RTN4RL1: variants seen among roughly 807,000 people sequenced by gnomAD.
RTN4RL1 encodes the protein reticulon 4 receptor like 1.
In RTN4RL1, 7 loss-of-function variants were observed where a neutral mutation model predicts 25.6. That is an observed-to-expected ratio of 0.27 (90% CI 0.16 to 0.51). The LOEUF (loss-of-function observed/expected upper bound fraction) is 0.51, where lower values mean the gene tolerates loss of function less well. RTN4RL1 is among the 20% of genes least tolerant of loss of function. The pLI, the probability that RTN4RL1 is intolerant of heterozygous loss-of-function variation, is 0.97. For synonymous variants in RTN4RL1, 297 were observed against 288.2 expected, an observed-to-expected ratio of 1.03 and a Z score of -0.31; for missense variants, 500 against 615.6, an observed-to-expected ratio of 0.81 and a Z score of 1.99.
At position 1,935,781 on chromosome 17, in the gene RTN4RL1, C is replaced by T. The variant is rs1478884346; in HGVS notation, c.*715G>A. 15 of 892,926 alleles carry T rather than the reference C, an allele frequency of 1.7e-5. No individual in the cohort carries two copies. The African/African-American group carries it at 2.3e-4, about 13-fold the overall frequency. The allele number at this position is 892,926 out of a possible 1,614,324, so 55.3% of individuals were successfully genotyped here. The stretch of plus-strand genomic sequence containing the variant: ...TAGAGTGTGAATATATATAAGTGGA[C>T]GTAGTTAGTTATAAAACTGCACCTT... On this transcript the variant is annotated 3_prime_UTR_variant, in exon 2 of 2. Coordinates refer to ENST00000331238, the MANE Select transcript of RTN4RL1 (RefSeq NM_178568.4).
chr17:1,977,232 G>A (rs1488046522), intron 1 of RTN4RL1, among the ~76,000 whole-genome samples: 3 of 152,198 alleles, frequency 2.0e-5, no homozygotes, highest in Non-Finnish European at 2.9e-5. Context: ...GCGAGACGCT[G>A]GGAAGGTGCG....
intron 1 of RTN4RL1, among the ~76,000 whole-genome samples, chr17:1,968,295 G>A (rs2066801852): frequency 6.6e-6 from 1 of 151,942 alleles, no homozygotes; most frequent in African/African-American, 2.4e-5. Context: ...CACCCTCTCA[G>A]TGACTACCAC....
chr17:1,957,656 C>A (rs927414377), intron 1 of RTN4RL1, among the ~76,000 whole-genome samples: 1 of 151,586 alleles, frequency 6.6e-6, no homozygotes, highest in Non-Finnish European at 1.5e-5. Flanking sequence ...GCGTGGCCAA[C>A]ATGGTGAAAC....
intron 1 of RTN4RL1, among the ~76,000 whole-genome samples, chr17:1,989,979 C>T (rs904637458): frequency 6.6e-6 from 1 of 152,000 alleles, no homozygotes; most frequent in Non-Finnish European, 1.5e-5. Context: ...AAACAAAAAA[C>T]AAAGGTCACG....
At chr17:2,014,737 C>T (rs112989127) in intron 1 of RTN4RL1, among the ~76,000 whole-genome samples, 3,502 of 151,692 alleles carry the variant, frequency 0.023, 122 homozygotes, top group African/African-American at 0.079. Flanking sequence ...GAGGCTGAGG[C>T]AGGAGAATCG....
At chr17:1,949,537 C>T (rs11651877) in intron 1 of RTN4RL1, among the ~76,000 whole-genome samples, 70,854 of 152,038 alleles carry the variant, frequency 0.47, 17,105 homozygotes, top group Middle Eastern at 0.58. Flanking sequence ...CCCGAAGACC[C>T]GCCCCTTCCC....
rs201429067 is a variant in RTN4RL1 at position 1,937,386 on chromosome 17, C to T, written c.436G>A (p.Gly146Ser). 184 of 1,613,704 alleles carry T rather than the reference C, an allele frequency of 1.1e-4. No individual in the cohort carries two copies. Among genetic ancestry groups the T allele is most frequent in the East Asian group, 3.1e-4 (14 of 44,874 alleles). Residue 146 changes from glycine (G) to serine (S), a missense_variant, in exon 2 of 2, where the codon GGC (glycine) becomes AGC (serine). Gly to Ser is a moderately conservative substitution (Grantham distance 56, BLOSUM62 0). Transcript: ENST00000331238. ...GLSALPAGVF[G>S]GLHSLQYLYL... ...AGGTACTGCAGGCTGTGCAGGCCGCCAAAGACGCCGGCCGGCAAGGCGCTG... is the reference window on the plus strand; with the variant it reads ...AGGTACTGCAGGCTGTGCAGGCCGCTAAAGACGCCGGCCGGCAAGGCGCTG...
chr17:2,022,886 G>T (rs1251128566), intron 1 of RTN4RL1, among the ~76,000 whole-genome samples: 1 of 152,222 alleles, frequency 6.6e-6, no homozygotes, highest in African/African-American at 2.4e-5. Context: ...TCCGGTGGCC[G>T]CCTCTTGTGC....
intron 1 of RTN4RL1, among the ~76,000 whole-genome samples, chr17:2,002,607 CCT>C (rs1003082423): frequency 1.3e-5 from 2 of 151,250 alleles, no homozygotes; most frequent in South Asian, 2.1e-4. Context: ...TTCTTTATTT[CCT>C]CTCTCTGTCT....
chr17:1,937,972 C>T (rs999482097), intron 1 of RTN4RL1, among the ~76,000 whole-genome samples, 164 bp from the exon 2 acceptor site: 3 of 152,248 alleles, frequency 2.0e-5, no homozygotes, highest in African/African-American at 4.8e-5. Flanking sequence ...GCCTGGAACC[C>T]GTCGGGGATG....
Position 1,994,036 on chromosome 17 carries a change from A to T in RTN4RL1, c.13+30817T>A, listed in dbSNP as rs2066919906. On this transcript the variant is annotated intron_variant, in intron 1 of 1. Coordinates refer to ENST00000331238, the MANE Select transcript of RTN4RL1 (RefSeq NM_178568.4). This position sits in a 1 kb window ranked among gnomAD's most constrained non-coding sequence, Gnocchi z 4.3. ...AACTGGTAGAAAAACAAAGCCCCCC[A>T]GTCCCCACCCCCGGCTACGCTGAAC... Among the ~76,000 whole-genome samples, 1 of 151,970 alleles carries T rather than the reference A, an allele frequency of 6.6e-6. No individual in the cohort carries two copies. The highest frequency in any genetic ancestry group is 1.5e-5 in the Non-Finnish European group (1 of 67,986).
At chr17:2,002,681 C>G (rs983274932) in intron 1 of RTN4RL1, among the ~76,000 whole-genome samples, 3 of 152,102 alleles carry the variant, frequency 2.0e-5, no homozygotes, top group Admixed American at 1.3e-4. Flanking sequence ...GTCTCCCTCT[C>G]TCTTCCTCCC....
intron 1 of RTN4RL1, among the ~76,000 whole-genome samples, chr17:1,939,076 GGA>G (rs1491135673): frequency 0.01 from 1,513 of 151,284 alleles, 26 homozygotes; most frequent in African/African-American, 0.035. Flanking sequence ...ATAAAGGCCG[GGA>G]GCAGTGGCTC....
intron 1 of RTN4RL1, among the ~76,000 whole-genome samples, chr17:2,008,086 A>G (rs2067013582): frequency 1.3e-5 from 2 of 151,818 alleles, no homozygotes; most frequent in African/African-American, 2.4e-5. Context: ...CAGCCTTGAC[A>G]TGGAGAAACC....
At chr17:2,015,696 C>G (rs1208788494) in intron 1 of RTN4RL1, among the ~76,000 whole-genome samples, 3 of 152,160 alleles carry the variant, frequency 2.0e-5, no homozygotes, top group Non-Finnish European at 4.4e-5. Context: ...AAAGCAGGGT[C>G]TGGCTTGAGG....
intron 1 of RTN4RL1, among the ~76,000 whole-genome samples, chr17:1,986,768 C>A (rs2066889241): frequency 6.8e-6 from 1 of 146,782 alleles, no homozygotes; most frequent in Non-Finnish European, 1.5e-5. Flanking sequence ...AAATTCATAG[C>A]CAGGAGTCAC....
At chr17:1,948,693 G>A (rs1183940759) in intron 1 of RTN4RL1, among the ~76,000 whole-genome samples, 1 of 150,812 alleles carries the variant, frequency 6.6e-6, no homozygotes, top group Non-Finnish European at 1.5e-5. Flanking sequence ...CCTCCGTGGC[G>A]ACGAGACCGT....
chr17:1,938,171 C>T (rs182853157), intron 1 of RTN4RL1, among the ~76,000 whole-genome samples: 1 of 152,218 alleles, frequency 6.6e-6, no homozygotes, highest in Non-Finnish European at 1.5e-5. Context: ...CAGCCTCCTG[C>T]TCTCCTCCTA....
intron 1 of RTN4RL1, among the ~76,000 whole-genome samples, chr17:2,015,868 GTCC>G (rs2151328585): frequency 6.6e-6 from 1 of 152,294 alleles, no homozygotes; most frequent in South Asian, 2.1e-4. Flanking sequence ...ACAGCGGACA[GTCC>G]TCCTTGTTAA....
Sources: allele counts gnomAD v4.1 joint callset (sites outside exome capture counted in the v4.1 genomes callset), GRCh38; gene constraint gnomAD v4.1.1; non-coding constraint Gnocchi (gnomAD v3.1); transcripts MANE v1.5; gene names NCBI Gene and HGNC (gene_info 2026-07-23, HGNC 2026-07-21).